Variants in CFAP36 observed in about 807,000 individuals in gnomAD.
CFAP36 encodes cilia- and flagella-associated protein 36.
A neutral mutation model predicts 50.5 loss-of-function variants in CFAP36; 37 were observed. The observed-to-expected ratio is 0.73, with a 90% CI of 0.56 to 0.96. The LOEUF is 0.96. CFAP36 is among the 50% of genes least tolerant of loss of function. The probability of loss-of-function intolerance (pLI) is 0.00; values close to 1 mark genes in which losing one functional copy is unlikely to be tolerated. For missense variants in CFAP36, 407 were observed against 396.2 expected (o/e 1.03, Z -0.23); for synonymous variants, 138 against 128.2 (o/e 1.08, Z -0.52).
intron 6 of CFAP36, 155 bp downstream of exon 6, chr2:55,535,918 C>G: frequency 7.4e-7 from 1 of 1,348,982 alleles, no homozygotes; most frequent in Non-Finnish European, 9.7e-7. Context: ...ATCAATAATT[C>G]TATGTATGTC....
At chr2:55,537,810 C>T (rs553729398) in intron 7 of CFAP36, among the ~76,000 whole-genome samples, 2 of 152,216 alleles carry the variant, frequency 1.3e-5, no homozygotes, top group South Asian at 4.2e-4. Context: ...AGCCTGGAAC[C>T]CAGAGTAGAG....
intron 7 of CFAP36, 96 bp downstream of exon 7, chr2:55,537,681 C>A (rs904274408): frequency 5.0e-6 from 4 of 801,842 alleles, no homozygotes; most frequent in Non-Finnish European, 7.9e-6. Flanking sequence ...ACTTCAAAAG[C>A]CCTGGGAGGG....
At chr2:55,543,437 A>G (rs930203479) in intron 7 of CFAP36, among the ~76,000 whole-genome samples, 2 of 152,200 alleles carry the variant, frequency 1.3e-5, no homozygotes, top group African/African-American at 4.8e-5. Flanking sequence ...TATCTTCAAT[A>G]CATAATTATA....
rs142160909 is a variant in CFAP36 at position 55,521,477 on chromosome 2, T to C, written c.116-625T>C. ...AACAATAATATTACATTAAAAGTTA[T>C]GAAGAAATTATTGCCTCATATTGAT... On this transcript the variant is annotated intron_variant, in intron 1 of 9. Coordinates refer to ENST00000349456, the MANE Select transcript of CFAP36 (RefSeq NM_080667.7). Among the ~76,000 whole-genome samples the C allele has an allele frequency of 4.1e-3, 623 of 152,250 alleles. 6 individuals carry two copies. Among genetic ancestry groups the C allele is most frequent in the African/African-American group, 0.015 (611 of 41,536 alleles).
In CFAP36 at chr2:55,523,770, A is replaced by C; in HGVS notation, c.230A>C (p.Asp77Ala). 3 of 1,609,434 alleles carry C rather than the reference A, an allele frequency of 1.9e-6. No homozygotes were observed. The highest frequency in any genetic ancestry group is 2.5e-6 in the Non-Finnish European group (3 of 1,177,124). The change falls in exon 3 of 10, where the codon GAT (aspartate) becomes GCT (alanine). Residue 77 changes from aspartate (D) to alanine (A), a missense_variant. Coordinates refer to ENST00000349456, the MANE Select transcript of CFAP36 (RefSeq NM_080667.7). Reference protein sequence around the residue: ...GYLKEIGINEDQFQEACTSPL... With the variant: ...GYLKEIGINEAQFQEACTSPL... Reference sequence around the variant, plus strand: ...CTCAAAGAAATTGGAATTAATGAAGATCAATTTCAAGAAGCATGCACTTCT... The same window carrying C: ...CTCAAAGAAATTGGAATTAATGAAGCTCAATTTCAAGAAGCATGCACTTCT...
chr2:55,535,990 A>G (rs201893930), intron 6 of CFAP36: 1 of 812,624 alleles, frequency 1.2e-6, no homozygotes, highest in East Asian at 3.5e-5. Context: ...ATATAGTACA[A>G]ACACCACATA....
intron 7 of CFAP36, among the ~76,000 whole-genome samples, chr2:55,540,024 T>A (rs755649489): frequency 3.9e-5 from 6 of 152,236 alleles, no homozygotes; most frequent in Non-Finnish European, 8.8e-5. Flanking sequence ...CTTTGTATAT[T>A]TTGAATAACA....
chr2:55,520,696 A>T (rs1684039187), intron 1 of CFAP36, among the ~76,000 whole-genome samples: 1 of 152,206 alleles, frequency 6.6e-6, no homozygotes, highest in East Asian at 1.9e-4. Flanking sequence ...CGTCATATAA[A>T]TGAGTGCCCA....
intron 7 of CFAP36, among the ~76,000 whole-genome samples, chr2:55,541,413 A>G (rs989308867): frequency 9.2e-5 from 14 of 152,238 alleles, no homozygotes; most frequent in African/African-American, 3.4e-4. Flanking sequence ...TTTTCCTCAT[A>G]TAGATCTTGT....
In CFAP36 at chr2:55,528,968, A is replaced by G; in HGVS notation, c.373A>G (p.Ile125Val). 1 of 1,608,032 alleles carries G rather than the reference A, an allele frequency of 6.2e-7. No homozygotes were observed. Among genetic ancestry groups the G allele is most frequent in the Non-Finnish European group, 8.5e-7 (1 of 1,177,288 alleles). Reference protein sequence around the residue: ...QKNIEMQLQAIRIIQERNGVL... With the variant: ...QKNIEMQLQAVRIIQERNGVL... Reference sequence around the variant, plus strand: ...AAACATTGAAATGCAGCTGCAAGCCATTCGAATAATTCAAGAGAGAAATGG... The same window carrying G: ...AAACATTGAAATGCAGCTGCAAGCCGTTCGAATAATTCAAGAGAGAAATGG... Residue 125 changes from isoleucine (I) to valine (V), a missense_variant, in exon 4 of 10, where the codon ATT becomes GTT. By Grantham distance (29) the Ile-to-Val change is conservative (BLOSUM62 3). Coordinates refer to ENST00000349456, the MANE Select transcript of CFAP36 (RefSeq NM_080667.7).
At chr2:55,520,361 A>G in intron 1 of CFAP36, 4 of 1,479,722 alleles carry the variant, frequency 2.7e-6, no homozygotes, top group East Asian at 2.5e-5. Flanking sequence ...CGCCCGGTGT[A>G]GTCAGCTTAG....
intron 7 of CFAP36, among the ~76,000 whole-genome samples, chr2:55,542,851 G>A (rs148536048): frequency 6.6e-6 from 1 of 152,208 alleles, no homozygotes; most frequent in East Asian, 1.9e-4. Flanking sequence ...TGTTAGTTAT[G>A]TAGCTCCCTG....
In CFAP36 at chr2:55,532,311, G is replaced by A. The variant is rs534883970; in HGVS notation, c.398-1562G>A. ...TTATACTCAAAACTGCAGACTATTT[G>A]AAAATAGTTCTTAATGATGAGAAAA... On this transcript the variant is annotated intron_variant, in intron 4 of 9. Transcript: ENST00000349456. 1.1e-3 allele frequency among the ~76,000 whole-genome samples: 165 copies of A among 152,130 alleles called. 1 individual carries two copies. In the Middle Eastern group the frequency reaches 0.014, roughly 13 times the overall value.
In CFAP36 at chr2:55,537,485, A is replaced by G; in HGVS notation, c.540A>G (p.Leu180=). 1.2e-6 allele frequency: 2 copies of G among 1,601,168 alleles called. No homozygotes were observed. The highest frequency in any genetic ancestry group is 1.3e-5 in the African/African-American group (1 of 74,348). The change falls in exon 7 of 10, where the codon TTA becomes TTG. Residue 180 remains leucine (L), a splice_region_variant and synonymous_variant. Transcript: ENST00000349456. ...QEEERKRKKQ[L]SEAKTEEPTV... Reference sequence around the variant, plus strand: ...AATTGTATTATGGAATCCTGAAGTTATCAGAGGCTAAAACAGAAGAGCCCA... The same window carrying G: ...AATTGTATTATGGAATCCTGAAGTTGTCAGAGGCTAAAACAGAAGAGCCCA...
At chr2:55,539,027 C>G (rs1044436820) in intron 7 of CFAP36, 9 of 948,098 alleles carry the variant, frequency 9.5e-6, no homozygotes, top group Admixed American at 7.5e-5. Context: ...CCCATATAGT[C>G]CCTGCCCTAG....
At chr2:55,543,697 G>C (rs779867715) in intron 7 of CFAP36, among the ~76,000 whole-genome samples, 89 of 152,114 alleles carry the variant, frequency 5.9e-4, no homozygotes, top group South Asian at 6.2e-4. Context: ...AACAGCAGAA[G>C]CATGGTACTT....
chr2:55,529,022 C>A, intron 4 of CFAP36, 30 bp downstream of exon 4: 1 of 1,464,898 alleles, frequency 6.8e-7, no homozygotes, highest in South Asian at 1.2e-5. Flanking sequence ...AATCTAAGTA[C>A]TAAATGCATT....
At chr2:55,526,059 TG>T (rs1472460433) in intron 3 of CFAP36, among the ~76,000 whole-genome samples, 1 of 152,190 alleles carries the variant, frequency 6.6e-6, no homozygotes, top group Non-Finnish European at 1.5e-5. Flanking sequence ...TATCAGGGCC[TG>T]GTTGAAATGC....
At chr2:55,538,812 A>G (rs1465872290) in intron 7 of CFAP36, 20 of 1,542,256 alleles carry the variant, frequency 1.3e-5, no homozygotes, top group Middle Eastern at 1.7e-4. Context: ...GAACTCTTCA[A>G]TGGTGAAATT....
Sources: gnomAD v4.1 joint callset for allele counts (sites outside exome capture counted in the v4.1 genomes callset) on GRCh38, gnomAD v4.1.1 for gene constraint, MANE v1.5 for transcripts, NCBI Gene and HGNC (gene_info 2026-07-23, HGNC 2026-07-21) for gene names.